Variants in NMNAT3 observed in about 807,000 individuals in gnomAD.
NMNAT3 encodes the protein nicotinamide nucleotide adenylyltransferase 3.
A neutral mutation model predicts 24.8 loss-of-function variants in NMNAT3; 21 were observed. The ratio of observed to expected loss-of-function variants is 0.85; its 90% CI spans 0.60 to 1.22. The LOEUF is 1.22. Among genes scored for constraint, NMNAT3 ranks in the 50% most tolerant of loss-of-function variants. The pLI is 0.00. For missense variants in NMNAT3, 387 were observed against 436.6 expected (o/e 0.89, Z 1.01); for synonymous variants, 136 against 155.2 (o/e 0.88, Z 0.92).
At chr3:139,608,983 T>C (rs564698569) in intron 3 of NMNAT3, among the ~76,000 whole-genome samples, 1 of 152,368 alleles carries the variant, frequency 6.6e-6, no homozygotes, top group South Asian at 2.1e-4. Flanking sequence ...TTACAGATAT[T>C]GAATCACATA....
At chr3:139,677,544 C>T (rs1012743881) in intron 1 of NMNAT3, among the ~76,000 whole-genome samples, 161 bp downstream of exon 1, 6 of 152,202 alleles carry the variant, frequency 3.9e-5, no homozygotes, top group Non-Finnish European at 7.3e-5. Context: ...GGAGCTGTCC[C>T]CCCGGTTCGC....
intron 1 of NMNAT3, among the ~76,000 whole-genome samples, chr3:139,676,246 G>A (rs1362536772): frequency 2.0e-5 from 3 of 152,192 alleles, no homozygotes; most frequent in African/African-American, 7.2e-5. Context: ...CAACAATGTT[G>A]TGAACAGAGC....
intron 3 of NMNAT3, among the ~76,000 whole-genome samples, chr3:139,615,520 G>C (rs2055456857): frequency 6.7e-6 from 1 of 148,866 alleles, no homozygotes; most frequent in Non-Finnish European, 1.5e-5. Flanking sequence ...CCCACCCACT[G>C]TATCTATCCT....
intron 1 of NMNAT3, among the ~76,000 whole-genome samples, chr3:139,657,634 A>G (rs2057289011): frequency 6.6e-6 from 1 of 151,234 alleles, no homozygotes; most frequent in South Asian, 2.1e-4. Flanking sequence ...TTGATGCAGG[A>G]TAGGCCTATA....
Position 139,582,978 on chromosome 3 carries a change from C to T in NMNAT3, c.340G>A (p.Asp114Asn). 1 of 1,577,736 alleles carries T rather than the reference C, an allele frequency of 6.3e-7. No homozygotes were observed. ...TTGTTTGTTTGGTTCCAGGTGCTAT[C>T]TATAAATATAATTTTTTTCAGTGTT... Residue 114 changes from aspartate (D) to asparagine (N), a missense_variant, in exon 4 of 7, where the codon GAT (aspartate) becomes AAT (asparagine). Physicochemically the swap from Asp to Asn is conservative, Grantham distance 23 (BLOSUM62 1). Transcript: ENST00000643695.
At position 139,560,775 on chromosome 3, in the gene NMNAT3, C is replaced by A; in HGVS notation, c.*235G>T. 1 of 514,592 alleles carries A rather than the reference C, an allele frequency of 1.9e-6. No homozygotes were observed. The highest frequency in any genetic ancestry group is 2.8e-5 in the South Asian group (1 of 35,500). The allele number at this position is 514,592 out of a possible 1,614,324, so 31.9% of individuals were successfully genotyped here. A position where few individuals can be genotyped will look rare whatever the true frequency, so the allele number is the denominator to read the frequency against. On this transcript the variant is annotated 3_prime_UTR_variant, in exon 7 of 7. Coordinates refer to ENST00000643695, the MANE Select transcript of NMNAT3 (RefSeq NM_001320510.2). ...AGAGATTCTGCCTAATCCTAATGAC[C>A]TGCCACACCATTTTAACTTCTTTGA...
intron 3 of NMNAT3, among the ~76,000 whole-genome samples, chr3:139,592,754 C>T (rs2054256837): frequency 6.6e-6 from 1 of 152,164 alleles, no homozygotes; most frequent in South Asian, 2.1e-4. Context: ...AAATCCTTTA[C>T]AGACAAGCAA....
intron 3 of NMNAT3, among the ~76,000 whole-genome samples, chr3:139,604,654 T>C (rs1291009169): frequency 1.3e-5 from 2 of 152,188 alleles, no homozygotes; most frequent in Non-Finnish European, 2.9e-5. Context: ...GGGCCCATGA[T>C]CTTAACCAAC....
intron 4 of NMNAT3, among the ~76,000 whole-genome samples, chr3:139,582,661 A>AG (rs1284637841): frequency 2.0e-5 from 3 of 149,334 alleles, no homozygotes; most frequent in Non-Finnish European, 3.0e-5. Flanking sequence ...AAAAAAAAAA[A>AG]AAAGAAAAGA....
At chr3:139,633,234 G>A (rs148977673) in intron 2 of NMNAT3, among the ~76,000 whole-genome samples, 369 of 151,078 alleles carry the variant, frequency 2.4e-3, no homozygotes, top group Non-Finnish European at 4.1e-3. Flanking sequence ...AGGCTGGAGT[G>A]CAATGGCACG....
chr3:139,593,256 A>G (rs566918713), intron 3 of NMNAT3, among the ~76,000 whole-genome samples: 1 of 152,366 alleles, frequency 6.6e-6, no homozygotes, highest in South Asian at 2.1e-4. Flanking sequence ...GATCAACAAG[A>G]AGAGCTAACT....
At chr3:139,609,606 A>C (rs1216910950) in intron 3 of NMNAT3, 1 of 150,958 alleles carries the variant, frequency 6.6e-6, no homozygotes. Flanking sequence ...AAAGTTCTTT[A>C]GATATTCTAA....
chr3:139,596,190 C>G (rs1050859798), intron 3 of NMNAT3, among the ~76,000 whole-genome samples: 2 of 152,040 alleles, frequency 1.3e-5, no homozygotes, highest in African/African-American at 4.8e-5. Context: ...GCTGGGTGGC[C>G]CTGTCAGAGC....
intron 2 of NMNAT3, among the ~76,000 whole-genome samples, chr3:139,632,963 G>A (rs190305562): frequency 5.9e-5 from 9 of 152,232 alleles, no homozygotes; most frequent in East Asian, 1.9e-4. Flanking sequence ...GGGCAGCAAC[G>A]GGGCTAAACA....
intron 1 of NMNAT3, among the ~76,000 whole-genome samples, chr3:139,675,838 T>C (rs952275742): frequency 6.6e-6 from 1 of 152,224 alleles, no homozygotes; most frequent in Non-Finnish European, 1.5e-5. Context: ...ACTACAACTA[T>C]GTATATTTTA....
intron 3 of NMNAT3, among the ~76,000 whole-genome samples, chr3:139,611,550 G>A (rs1049140676): frequency 2.6e-5 from 4 of 152,204 alleles, no homozygotes; most frequent in African/African-American, 9.7e-5. Flanking sequence ...ATGGTCACAA[G>A]GAGGGGAGCA....
At chr3:139,639,462 C>A (rs554531810) in intron 1 of NMNAT3, among the ~76,000 whole-genome samples, 1 of 152,304 alleles carries the variant, frequency 6.6e-6, no homozygotes, top group Non-Finnish European at 1.5e-5. Context: ...CAAAGGCAGG[C>A]AGAGTTACTG....
At chr3:139,670,010 A>G (rs1190757876) in intron 1 of NMNAT3, among the ~76,000 whole-genome samples, 1 of 152,182 alleles carries the variant, frequency 6.6e-6, no homozygotes, top group Non-Finnish European at 1.5e-5. Flanking sequence ...GTCTATTCCA[A>G]TTTACTAGGA....
At chr3:139,584,368 C>T (rs1466490808) in intron 3 of NMNAT3, 1 of 159,984 alleles carries the variant, frequency 6.3e-6, no homozygotes, top group African/African-American at 2.4e-5. Flanking sequence ...GGGAACCCGT[C>T]TAGGCAGCCA....
Sources: allele counts gnomAD v4.1 joint callset (sites outside exome capture counted in the v4.1 genomes callset), GRCh38; gene constraint gnomAD v4.1.1; transcripts MANE v1.5; gene names NCBI Gene and HGNC (gene_info 2026-07-23, HGNC 2026-07-21).